The following IDO2 variants were observed in gnomAD, a reference collection of about 807,000 sequenced individuals.
IDO2 encodes indoleamine 2,3-dioxygenase 2, also known as indoleamine 2,3-dioxygenase-like 1 protein.
Under a neutral mutation model 45.1 loss-of-function variants are expected in IDO2, and 46 were observed. The observed-to-expected ratio is 1.02, with a 90% CI of 0.80 to 1.30. The LOEUF is 1.30. Ranked by LOEUF, IDO2 falls within the 50% of genes most tolerant of loss-of-function variation. The pLI, the probability that IDO2 is intolerant of heterozygous loss-of-function variation, is 0.00. For synonymous variants in IDO2, 218 were observed against 184.9 expected, an observed-to-expected ratio of 1.18 and a Z score of -1.45; for missense variants, 544 against 491.8, an observed-to-expected ratio of 1.11 and a Z score of -1.00.
chr8:39,960,373 C>G (rs1807973778), intron 2 of IDO2, among the ~76,000 whole-genome samples: 1 of 152,216 alleles, frequency 6.6e-6, no homozygotes, highest in Non-Finnish European at 1.5e-5. Context: ...TCTCTCTCTC[C>G]TCCTTTGCTT....
At chr8:40,007,858 T>C (rs1210645294) in intron 9 of IDO2, among the ~76,000 whole-genome samples, 1 of 152,194 alleles carries the variant, frequency 6.6e-6, no homozygotes, top group Non-Finnish European at 1.5e-5. Flanking sequence ...GGCTGGGCTC[T>C]TAACTGAAGA....
At chr8:39,951,609 G>C (rs1807815542) in intron 2 of IDO2, among the ~76,000 whole-genome samples, 1 of 152,140 alleles carries the variant, frequency 6.6e-6, no homozygotes, top group South Asian at 2.1e-4. Context: ...GATTGCTATG[G>C]AGAATGAATG....
chr8:39,997,140 G>A lies in IDO2; in HGVS notation c.667+7302G>A, dbSNP rs182468782. 2.6e-3 allele frequency among the ~76,000 whole-genome samples: 396 copies of A among 152,158 alleles called. 6 individuals are homozygous for A. Among genetic ancestry groups the A allele is most frequent in the African/African-American group, 9.1e-3 (376 of 41,482 alleles). On this transcript the variant is annotated intron_variant, in intron 8 of 10. Transcript: ENST00000502986. ...AGACAAATACAAATTCATAATACAA[G>A]CAACTTGCATTCAAAATGAACTCTA...
chr8:39,998,884 C>T (rs1802092927), intron 8 of IDO2, among the ~76,000 whole-genome samples: 1 of 151,942 alleles, frequency 6.6e-6, no homozygotes, highest in Non-Finnish European at 1.5e-5. Flanking sequence ...CTCAGGAAAT[C>T]CACCTTCCTC....
intron 1 of IDO2, among the ~76,000 whole-genome samples, chr8:39,946,003 A>T (rs1807722077): frequency 6.6e-6 from 1 of 152,210 alleles, no homozygotes; most frequent in Non-Finnish European, 1.5e-5. Flanking sequence ...CCTTGGAACT[A>T]GACTGCCTTT....
chr8:40,003,744 A>G (rs1462137099), intron 8 of IDO2, among the ~76,000 whole-genome samples: 1 of 151,826 alleles, frequency 6.6e-6, no homozygotes, highest in Non-Finnish European at 1.5e-5. Context: ...TTTTTTTCTT[A>G]TTCTCCTGGC....
chr8:40,004,568 C>G (rs12544637), intron 8 of IDO2, among the ~76,000 whole-genome samples: 1 of 148,902 alleles, frequency 6.7e-6, no homozygotes, highest in Non-Finnish European at 1.5e-5. Flanking sequence ...GATAGATAGA[C>G]GATAGATAGA....
intron 10 of IDO2, 38 bp downstream of exon 10, chr8:40,013,751 G>C (rs777333257): frequency 2.8e-6 from 4 of 1,426,252 alleles, no homozygotes; most frequent in African/African-American, 1.7e-5. Flanking sequence ...AGAGTAGAGG[G>C]AGGAAGAGGA....
rs570889634 is a variant in IDO2 at position 39,950,532 on chromosome 8, A to G, written c.99+1268A>G. 2.0e-5 allele frequency among the ~76,000 whole-genome samples: 3 copies of G among 152,310 alleles called. No homozygotes were observed. The East Asian group carries it at 5.8e-4, about 29-fold the overall frequency. ...TTGGTGTCACAGAAAAAGAATGAACATGGGAACAAATGATCTCTCAGCAAA... is the reference window on the plus strand; with the variant it reads ...TTGGTGTCACAGAAAAAGAATGAACGTGGGAACAAATGATCTCTCAGCAAA... On this transcript the variant is annotated intron_variant, in intron 2 of 10. Transcript: ENST00000502986.
chr8:40,009,459 A>AT (rs932000090), intron 9 of IDO2, among the ~76,000 whole-genome samples: 16 of 149,646 alleles, frequency 1.1e-4, no homozygotes, highest in Admixed American at 2.7e-4. Flanking sequence ...AAATGATCTC[A>AT]TTTTTTTTTC....
At chr8:39,968,626 C>A (rs186830643) in intron 3 of IDO2, among the ~76,000 whole-genome samples, 11 of 151,932 alleles carry the variant, frequency 7.2e-5, no homozygotes, top group Non-Finnish European at 1.5e-4. Context: ...CACCAAACAC[C>A]GCATGTTCTT....
At chr8:39,964,631 A>C (rs1043691220) in intron 3 of IDO2, among the ~76,000 whole-genome samples, 3 of 152,264 alleles carry the variant, frequency 2.0e-5, no homozygotes, top group African/African-American at 7.2e-5. Context: ...TGTGCAAAGC[A>C]CTAGAACCTT....
At chr8:39,967,814 T>C (rs561951378) in intron 3 of IDO2, among the ~76,000 whole-genome samples, 1 of 152,346 alleles carries the variant, frequency 6.6e-6, no homozygotes, top group East Asian at 1.9e-4. Flanking sequence ...CCTATTTGTA[T>C]GGCTAATTTT....
At chr8:39,963,805 C>A in intron 3 of IDO2, 102 bp downstream of exon 3, 1 of 680,984 alleles carries the variant, frequency 1.5e-6, no homozygotes, top group South Asian at 1.9e-5. Context: ...GGAAACTGTT[C>A]ATTACCATTG....
chr8:39,981,841 C>T (rs1324337353), intron 4 of IDO2, among the ~76,000 whole-genome samples: 1 of 152,136 alleles, frequency 6.6e-6, no homozygotes, highest in African/African-American at 2.4e-5. Flanking sequence ...CTCGTTCAGC[C>T]TTTACCTCCG....
At chr8:39,992,294 C>A (rs1261407906) in intron 8 of IDO2, among the ~76,000 whole-genome samples, 1 of 152,118 alleles carries the variant, frequency 6.6e-6, no homozygotes, top group Non-Finnish European at 1.5e-5. Flanking sequence ...GTCCACCTAC[C>A]CTGAGATCAC....
intron 3 of IDO2, among the ~76,000 whole-genome samples, chr8:39,969,661 G>A (rs1808150094): frequency 6.6e-6 from 1 of 152,206 alleles, no homozygotes; most frequent in South Asian, 2.1e-4. Context: ...GATCACCTGA[G>A]TTCAGGACTT....
intron 5 of IDO2, among the ~76,000 whole-genome samples, chr8:39,984,462 GA>G (rs1326941080): frequency 3.9e-5 from 6 of 152,190 alleles, no homozygotes; most frequent in Admixed American, 2.6e-4. Context: ...GTGACAGAGT[GA>G]GATCCTATCT....
At chr8:39,943,757 A>G (rs1482139860) in intron 1 of IDO2, among the ~76,000 whole-genome samples, 1 of 150,060 alleles carries the variant, frequency 6.7e-6, no homozygotes, top group Non-Finnish European at 1.5e-5. Flanking sequence ...AAAAAAAAAA[A>G]AGGAAACCTA....
Sources: allele counts gnomAD v4.1 joint callset (sites outside exome capture counted in the v4.1 genomes callset), GRCh38; gene constraint gnomAD v4.1.1; transcripts MANE v1.5; gene names NCBI Gene and HGNC (gene_info 2026-07-23, HGNC 2026-07-21).